Variants in GPNMB observed in about 807,000 individuals in gnomAD.
The protein encoded by GPNMB is transmembrane glycoprotein NMB.
In GPNMB, 71 loss-of-function variants were observed where a neutral mutation model predicts 57.3. The ratio of observed to expected loss-of-function variants is 1.24; its 90% CI spans 1.02 to 1.51. The LOEUF (loss-of-function observed/expected upper bound fraction) is 1.51. Ranked by LOEUF, GPNMB falls within the 40% of genes most tolerant of loss-of-function variation. GPNMB has a pLI of 0.00. For synonymous variants in GPNMB, 253 were observed against 263.2 expected (o/e 0.96, Z 0.38); for missense variants, 677 against 691.9 (o/e 0.98, Z 0.24).
intron 2 of GPNMB, 37 bp from the exon 3 acceptor site, chr7:23,254,132 A>T (rs748648952): frequency 1.9e-6 from 3 of 1,581,564 alleles, no homozygotes; most frequent in East Asian, 4.5e-5. Context: ...AAGGAAAAAG[A>T]TGCTGGATCA....
rs534859550 is a variant in GPNMB at position 23,259,905 on chromosome 7, C to A, written c.542-75C>A. On this transcript the variant is annotated intron_variant, in intron 4 of 10. Coordinates refer to ENST00000258733, the MANE Select transcript of GPNMB (RefSeq NM_002510.3). ...CAGAGCAATCTATAAATGGTGGTAG[C>A]TAGTCTTTAAGGAACAGCTTCCTAT... 361 of 1,365,728 alleles carry A rather than the reference C, an allele frequency of 2.6e-4. 5 individuals are homozygous for A. In the African/African-American group the frequency reaches 5.2e-3, roughly 20 times the overall value. 84.6% of individuals were successfully genotyped at this position (1,365,728 alleles called of 1,614,324 possible).
At position 23,258,525 on chromosome 7, in the gene GPNMB, C is replaced by G. The variant is rs113736423; in HGVS notation, c.542-1455C>G. On this transcript the variant is annotated intron_variant, in intron 4 of 10. Transcript: ENST00000258733. ...GTCACTTATGTTCACTAACACTCGC[C>G]GACTCTTTAGCCTAGTAAACATTCC... Among the ~76,000 whole-genome samples the G allele has an allele frequency of 6.3e-3, 965 of 152,236 alleles. 11 individuals are homozygous for G. The highest frequency in any genetic ancestry group is 0.022 in the African/African-American group (915 of 41,544).
chr7:23,253,672 A>G (rs1407681361), intron 2 of GPNMB, among the ~76,000 whole-genome samples: 1 of 152,206 alleles, frequency 6.6e-6, no homozygotes, highest in Non-Finnish European at 1.5e-5. Flanking sequence ...AAATTTCCAC[A>G]TTGGTAGCTC....
At chr7:23,253,149 C>T (rs993346971) in intron 1 of GPNMB, among the ~76,000 whole-genome samples, 158 bp from the exon 2 acceptor site, 12 of 152,106 alleles carry the variant, frequency 7.9e-5, no homozygotes, top group Admixed American at 2.6e-4. Flanking sequence ...AAGGTATTTC[C>T]AGGAGACTTC....
intron 8 of GPNMB, among the ~76,000 whole-genome samples, chr7:23,268,745 T>A (rs1359692617): frequency 6.6e-6 from 1 of 152,070 alleles, no homozygotes; most frequent in Non-Finnish European, 1.5e-5. Context: ...GCTCTCCACC[T>A]TGGGGAGAGG....
intron 7 of GPNMB, among the ~76,000 whole-genome samples, chr7:23,267,324 G>A (rs371581795): frequency 1.3e-5 from 2 of 152,366 alleles, no homozygotes; most frequent in Admixed American, 1.3e-4. Flanking sequence ...CTTTGGAAAT[G>A]CTGCATGGAT....
intron 10 of GPNMB, 57 bp from the exon 11 acceptor site, chr7:23,274,008 G>C: frequency 7.5e-7 from 1 of 1,339,196 alleles, no homozygotes; most frequent in Non-Finnish European, 1.0e-6. Context: ...ATTGTAGAAA[G>C]TTGTATATTT....
At position 23,257,084 on chromosome 7, in the gene GPNMB, C is replaced by T. The variant is rs1231041115; in HGVS notation, c.541+19C>T. ...ACACTTGGTTGGCTTTTACAAACCC[C>T]TAAGCTTCTTCTTTACCTTTCCTTA... On this transcript the variant is annotated intron_variant, in intron 4 of 10. Transcript: ENST00000258733. 2.5e-6 allele frequency: 4 copies of T among 1,600,808 alleles called. No homozygotes were observed. The highest frequency in any genetic ancestry group is 3.3e-5 in the Admixed American group (2 of 59,990).
rs780357717 is a variant in GPNMB, at chr7:23,273,616, T to A, written c.1523+2T>A. 3 of 1,592,558 alleles carry A rather than the reference T, an allele frequency of 1.9e-6. No individual in the cohort carries two copies. The East Asian group carries it at 6.7e-5, about 36-fold the overall frequency. ...TGTGATCTCCCTCTTGGTGTACAAG[T>A]AAGTTTTTGGTTCCTACGCTTTATA... On this transcript the variant is annotated splice_donor_variant, in intron 10 of 10. Transcript: ENST00000258733. LOFTEE classifies it high-confidence loss of function.
At chr7:23,263,598 G>A (rs1782983348) in intron 6 of GPNMB, among the ~76,000 whole-genome samples, 2 of 137,506 alleles carry the variant, frequency 1.5e-5, no homozygotes, top group South Asian at 2.3e-4. Context: ...GGCGACAAGA[G>A]AGAAACTCTG....
At chr7:23,254,836 A>G (rs1422601370) in intron 3 of GPNMB, among the ~76,000 whole-genome samples, 1 of 152,174 alleles carries the variant, frequency 6.6e-6, no homozygotes, top group Non-Finnish European at 1.5e-5. Context: ...GTGCAAATAC[A>G]TCAAGGGAAA....
chr7:23,263,436 A>AC (rs1782977821), intron 6 of GPNMB, among the ~76,000 whole-genome samples: 1 of 151,770 alleles, frequency 6.6e-6, no homozygotes, highest in Admixed American at 6.6e-5. Flanking sequence ...ACATGGTGAA[A>AC]CCCCGTCTCT....
chr7:23,260,532 C>T lies in GPNMB; in HGVS notation c.777C>T (p.Leu259=). ...NSSDETFLKD[L]PIMFDVLIHD... The stretch of plus-strand genomic sequence containing the variant: ...CCGACGAAACCTTCCTCAAAGATCT[C>T]CCCATTATGTTTGATGTCCTGATTC... The change falls in exon 6 of 11, where the codon CTC becomes CTT. Residue 259 remains leucine (L), a synonymous_variant. Transcript: ENST00000258733. The T allele has an allele frequency of 1.2e-6, 2 of 1,613,364 alleles. No individual in the cohort carries two copies. Among genetic ancestry groups the T allele is most frequent in the Non-Finnish European group, 1.7e-6 (2 of 1,179,322 alleles).
At chr7:23,260,333 A>T (rs1782886036) in intron 5 of GPNMB, 123 bp from the exon 6 acceptor site, 1 of 1,050,220 alleles carries the variant, frequency 9.5e-7, no homozygotes, top group Admixed American at 2.6e-5. Flanking sequence ...TTGCATGTGA[A>T]AAGGAAAATA....
chr7:23,264,662 C>T (rs935120146), intron 6 of GPNMB, among the ~76,000 whole-genome samples: 10 of 152,180 alleles, frequency 6.6e-5, no homozygotes, highest in African/African-American at 2.4e-4. Flanking sequence ...CAGGTGTGAG[C>T]CACCATGCCT....
At position 23,268,570 on chromosome 7, in the gene GPNMB, A is replaced by G. The variant is rs113186619; in HGVS notation, c.1220+582A>G. The stretch of plus-strand genomic sequence containing the variant: ...ATAAACTAAATATAAATGAATGAAT[A>G]TATAAATACTATATCGATTAACTAA... On this transcript the variant is annotated intron_variant, in intron 8 of 10. Coordinates refer to ENST00000258733, the MANE Select transcript of GPNMB (RefSeq NM_002510.3). Among the ~76,000 whole-genome samples, 684 of 152,382 alleles carry G rather than the reference A, an allele frequency of 4.5e-3. 6 individuals are homozygous for G. The highest frequency in any genetic ancestry group is 0.015 in the African/African-American group (639 of 41,592).
chr7:23,256,796 G>T, intron 3 of GPNMB, 96 bp from the exon 4 acceptor site: 1 of 981,474 alleles, frequency 1.0e-6, no homozygotes, highest in South Asian at 1.6e-5. Context: ...AACTAGTTAT[G>T]AAAAAAATAC....
rs180914138 is a variant in GPNMB, at chr7:23,253,218, T to A, written c.71-89T>A. ...TGCACTGAATATATTATGTATGTGC[T>A]TTTCAACAGTAAGAAATAAAAAGTT... On this transcript the variant is annotated intron_variant, in intron 1 of 10. Transcript: ENST00000258733. The A allele has an allele frequency of 7.3e-5, 85 of 1,161,568 alleles. No individual in the cohort carries two copies. The African/African-American group carries it at 1.2e-3, about 16-fold the overall frequency. 72.0% of individuals were successfully genotyped at this position (1,161,568 alleles called of 1,614,324 possible). A position where few individuals can be genotyped will look rare whatever the true frequency, so the allele number is the denominator to read the frequency against.
chr7:23,249,427 A>G (rs1782612021), intron 1 of GPNMB, among the ~76,000 whole-genome samples: 1 of 152,236 alleles, frequency 6.6e-6, no homozygotes, highest in Non-Finnish European at 1.5e-5. Context: ...TCTCATGGCT[A>G]TAGATGTATA....
Sources: allele counts gnomAD v4.1 joint callset (sites outside exome capture counted in the v4.1 genomes callset), GRCh38; gene constraint gnomAD v4.1.1; transcripts MANE v1.5; gene names NCBI Gene and HGNC (gene_info 2026-07-23, HGNC 2026-07-21).